RDH12: variants seen among roughly 807,000 people sequenced by gnomAD.
RDH12 encodes all-trans and 9-cis retinol dehydrogenase.
RDH12 carries 21 observed loss-of-function variants against 34.0 expected under a neutral mutation model. The observed-to-expected ratio is 0.62, with a 90% CI of 0.44 to 0.89. The LOEUF (loss-of-function observed/expected upper bound fraction) is 0.89. Among genes scored for constraint, RDH12 ranks in the 40% least tolerant of loss-of-function variants. The pLI, the probability that RDH12 is intolerant of heterozygous loss-of-function variation, is 0.00. For synonymous variants in RDH12, 198 were observed against 169.9 expected (o/e 1.17, Z -1.29); for missense variants, 394 against 398.6 (o/e 0.99, Z 0.10).
rs150086376 is a variant in RDH12 at position 67,711,911 on chromosome 14, G to C, written c.-274-8937G>C. 1.4e-4 allele frequency among the ~76,000 whole-genome samples: 22 copies of C among 152,244 alleles called. No individual in the cohort carries two copies. The East Asian group carries it at 4.3e-3, about 29-fold the overall frequency. On this transcript the variant is annotated intron_variant, in intron 1 of 8. Transcript: ENST00000551171. The stretch of plus-strand genomic sequence containing the variant: ...TGTATAAGGAGACAAATTTTATTTA[G>C]ATAGGGACTACCTATCTTTTTTTTT...
At chr14:67,711,936 T>C (rs370760063) in intron 1 of RDH12, among the ~76,000 whole-genome samples, 2 of 152,192 alleles carry the variant, frequency 1.3e-5, no homozygotes, top group African/African-American at 4.8e-5. Flanking sequence ...TCTTTTTTTT[T>C]GAGACGGAGT....
At chr14:67,731,770 A>G (rs2038279715) in intron 8 of RDH12, among the ~76,000 whole-genome samples, 1 of 152,102 alleles carries the variant, frequency 6.6e-6, no homozygotes, top group African/African-American at 2.4e-5. Flanking sequence ...AGGGAGTTTT[A>G]GGGAGAGCCA....
chr14:67,703,418 G>T, intron 1 of RDH12, among the ~76,000 whole-genome samples: 1 of 152,100 alleles, frequency 6.6e-6, no homozygotes. Flanking sequence ...AATCGTATAA[G>T]AAAAACAAAA....
chr14:67,719,788 GTTTA>G lies in RDH12; in HGVS notation c.-274-1055_-274-1052del, dbSNP rs373878863. On this transcript the variant is annotated intron_variant, in intron 1 of 8. Transcript: ENST00000551171. ...CCACAGTGCCCAACCAAAATTTAAT[GTTTA>G]TTTACTTAAGTTTTTTATTTATTCT... 1.2e-4 allele frequency among the ~76,000 whole-genome samples: 18 copies of G among 152,098 alleles called. No homozygotes were observed. In the East Asian group the frequency reaches 2.1e-3, roughly 18 times the overall value.
At position 67,723,348 on chromosome 14, in the gene RDH12, C is replaced by T. The variant is rs946615149; in HGVS notation, c.68+638C>T. Among the ~76,000 whole-genome samples, 13 of 152,318 alleles carry T rather than the reference C, an allele frequency of 8.5e-5. No individual in the cohort carries two copies. The South Asian group carries it at 2.5e-3, about 29-fold the overall frequency. ...TCTTGGGCTCAAGCAACCCTCCTGC[C>T]TCAGCCTCCCAAGTAGTTGGGAATA... On this transcript the variant is annotated intron_variant, in intron 3 of 8. Coordinates refer to ENST00000551171, the MANE Select transcript of RDH12 (RefSeq NM_152443.3).
intron 8 of RDH12, among the ~76,000 whole-genome samples, chr14:67,732,286 A>G (rs990866110): frequency 2.0e-5 from 3 of 151,580 alleles, no homozygotes; most frequent in Non-Finnish European, 4.4e-5. Context: ...AAAAATCAAA[A>G]AATTAGCCCA....
intron 1 of RDH12, among the ~76,000 whole-genome samples, chr14:67,702,514 TA>T (rs2037910065): frequency 6.6e-6 from 1 of 152,174 alleles, no homozygotes; most frequent in Non-Finnish European, 1.5e-5. Flanking sequence ...CCTGACCCTG[TA>T]AAATATTTAA....
intron 1 of RDH12, among the ~76,000 whole-genome samples, chr14:67,708,232 A>C (rs931042959): frequency 1.3e-5 from 2 of 152,222 alleles, no homozygotes; most frequent in African/African-American, 4.8e-5. Flanking sequence ...AACAAAAAAA[A>C]GGATCAGCAA....
intron 4 of RDH12, 103 bp from the exon 5 acceptor site, chr14:67,724,996 C>G: frequency 3.1e-6 from 4 of 1,305,520 alleles, no homozygotes; most frequent in Non-Finnish European, 4.4e-6. Context: ...TGAAGGATGG[C>G]TGGGAGAATG....
chr14:67,710,707 CT>C (rs1196882563), intron 1 of RDH12, among the ~76,000 whole-genome samples: 2 of 151,036 alleles, frequency 1.3e-5, no homozygotes, highest in Admixed American at 6.6e-5. Context: ...AAATTTTTCA[CT>C]TTTTTTTAAA....
At chr14:67,717,754 A>C (rs943214414) in intron 1 of RDH12, 2 of 152,286 alleles carry the variant, frequency 1.3e-5, no homozygotes, top group Non-Finnish European at 2.9e-5. Flanking sequence ...ACTCACAGGA[A>C]AGAATTATAA....
chr14:67,720,625 A>C (rs2038114215), intron 1 of RDH12, among the ~76,000 whole-genome samples: 1 of 152,174 alleles, frequency 6.6e-6, no homozygotes, highest in East Asian at 1.9e-4. Context: ...CTAAATGCCC[A>C]TGTGTATTTG....
chr14:67,729,321 G>T lies in RDH12; in HGVS notation c.789G>T (p.Gln263His). 2.5e-6 allele frequency: 4 copies of T among 1,600,088 alleles called. No individual in the cohort carries two copies. Among genetic ancestry groups the T allele is most frequent in the Non-Finnish European group, 3.4e-6 (4 of 1,179,880 alleles). Residue 263 changes from glutamine to histidine, a missense_variant, in exon 8 of 9, where the codon CAG (glutamine) becomes CAT (histidine). Coordinates refer to ENST00000551171, the MANE Select transcript of RDH12 (RefSeq NM_152443.3). Reference protein sequence around the residue: ...PFVKTAREGAQTSLHCALAEG... With the variant: ...PFVKTAREGAHTSLHCALAEG... ...TCAAGACGGCACGGGAGGGGGCGCA[G>T]ACCAGCCTGCACTGCGCCCTGGCTG...
chr14:67,709,563 G>C (rs1423870049), intron 1 of RDH12, among the ~76,000 whole-genome samples: 2 of 152,146 alleles, frequency 1.3e-5, no homozygotes, highest in African/African-American at 2.4e-5. Flanking sequence ...AACAGAACTT[G>C]TTTTATCTCT....
At chr14:67,717,126 A>G (rs1263997136) in intron 1 of RDH12, among the ~76,000 whole-genome samples, 1 of 152,152 alleles carries the variant, frequency 6.6e-6, no homozygotes, top group African/African-American at 2.4e-5. Flanking sequence ...CTAGAGTTCA[A>G]TATTTATTTA....
intron 4 of RDH12, 29 bp from the exon 5 acceptor site, chr14:67,725,070 A>G (rs2038168970): frequency 6.8e-6 from 11 of 1,613,686 alleles, no homozygotes; most frequent in Non-Finnish European, 9.3e-6. Context: ...GGATATGAAC[A>G]TACTGCTCTT....
In RDH12 at chr14:67,726,856, T is replaced by G. The variant is rs1295675345; in HGVS notation, c.449-125T>G. ...AGACCAAACTGACCATTAGAGTTACTCATGGCATCAAAATTGGTTCACACC... is the reference window on the plus strand; with the variant it reads ...AGACCAAACTGACCATTAGAGTTACGCATGGCATCAAAATTGGTTCACACC... On this transcript the variant is annotated intron_variant, in intron 6 of 8. Transcript: ENST00000551171. 5.1e-6 allele frequency: 4 copies of G among 780,774 alleles called. No homozygotes were observed. In the African/African-American group the frequency reaches 6.8e-5, roughly 13 times the overall value. 48.4% of individuals were successfully genotyped at this position (780,774 alleles called of 1,614,324 possible).
chr14:67,727,111 C>T lies in RDH12; in HGVS notation c.579C>T (p.Arg193=), dbSNP rs142117351. 4.7e-4 allele frequency: 757 copies of T among 1,614,104 alleles called. 1 individual carries two copies. The highest frequency in any genetic ancestry group is 5.9e-4 in the Non-Finnish European group (700 of 1,180,052). ...IPFHDLQSEK[R]YSRGFAYCHS... is the part of the protein sequence containing the mutation. ...TCCACGACCTCCAGAGCGAGAAGCG[C>T]TACAGCAGGGGTTTTGCCTATTGCC... The change falls in exon 7 of 9, where the codon CGC becomes CGT. Residue 193 remains arginine, a synonymous_variant. Coordinates refer to ENST00000551171, the MANE Select transcript of RDH12 (RefSeq NM_152443.3).
intron 6 of RDH12, among the ~76,000 whole-genome samples, chr14:67,726,429 G>A (rs1275488767): frequency 6.6e-6 from 1 of 152,218 alleles, no homozygotes; most frequent in Non-Finnish European, 1.5e-5. Flanking sequence ...TACAAGGCTT[G>A]CCAGGCAGGG....
Sources: gnomAD v4.1 joint callset for allele counts (sites outside exome capture counted in the v4.1 genomes callset) on GRCh38, gnomAD v4.1.1 for gene constraint, MANE v1.5 for transcripts, NCBI Gene and HGNC (gene_info 2026-07-23, HGNC 2026-07-21) for gene names.